PHKA2: variants seen among roughly 807,000 people sequenced by gnomAD.
PHKA2 encodes the protein phosphorylase kinase regulatory subunit alpha 2.
PHKA2 carries 31 observed loss-of-function variants against 102.0 expected under a neutral mutation model. The observed-to-expected ratio is 0.30, with a 90% CI of 0.23 to 0.41. The LOEUF is 0.41. Ranked by LOEUF, PHKA2 falls within the 10% of genes least tolerant of loss-of-function variation. The pLI is 1.00. For missense variants in PHKA2, 858 were observed against 1,023.1 expected (o/e 0.84, Z 2.20); for synonymous variants, 455 against 416.2 (o/e 1.09, Z -1.13).
chrX:18,966,783 C>T (rs1001969961), intron 1 of PHKA2, among the ~76,000 whole-genome samples: 1 of 111,913 alleles, frequency 8.9e-6, no homozygotes, highest in Admixed American at 9.5e-5. Flanking sequence ...GTCACCTCTG[C>T]CCCAATTGGA....
chrX:18,897,398 T>C, intron 29 of PHKA2, 65 bp from the exon 30 acceptor site: 1 of 1,091,254 alleles, frequency 9.2e-7, no homozygotes, highest in Middle Eastern at 3.3e-4. Context: ...AAGTGCGCCA[T>C]CTCGAAGGGC....
intron 26 of PHKA2, 93 bp downstream of exon 26, chrX:18,905,665 C>T: frequency 3.2e-6 from 2 of 627,847 alleles, no homozygotes; most frequent in South Asian, 4.4e-5. Context: ...CTTCTCTTCC[C>T]ACATTCGCTA....
chrX:18,954,195 T>C, intron 2 of PHKA2, 59 bp downstream of exon 2: 1 of 1,154,927 alleles, frequency 8.7e-7, no homozygotes, highest in Non-Finnish European at 1.2e-6. Flanking sequence ...CTCTGTGGGT[T>C]TTTCAGTTCA....
chrX:18,926,510 T>C lies in PHKA2; in HGVS notation c.1402A>G (p.Ile468Val), dbSNP rs772639033. 1.7e-6 allele frequency: 2 copies of C among 1,194,014 alleles called. No homozygotes were observed. Among genetic ancestry groups the C allele is most frequent in the Non-Finnish European group, 2.3e-6 (2 of 879,068 alleles). The stretch of plus-strand genomic sequence containing the variant: ...CCCGGCTGGACTTGAATTGGATGAA[T>C]GTCCGCGATACTCTGGACGTTCACC... Reference protein sequence around the residue: ...HGVNVQSIADIHPIQVQPGRI... With the variant: ...HGVNVQSIADVHPIQVQPGRI... The change falls in exon 14 of 33, where the codon ATT becomes GTT. Residue 468 changes from isoleucine (I) to valine (V), a missense_variant. By Grantham distance (29) the Ile-to-Val change is conservative. Around this residue, in one of 2 missense-constraint regions of PHKA2, gnomAD observed 671 missense variants for 745.2 expected, o/e 0.90. Coordinates refer to ENST00000379942, the MANE Select transcript of PHKA2 (RefSeq NM_000292.3).
chrX:18,961,659 CA>C (rs1290808888), intron 1 of PHKA2, among the ~76,000 whole-genome samples: 609 of 24,910 alleles, frequency 0.024, 1 homozygote, highest in African/African-American at 0.029. Flanking sequence ...GACTCCATCT[CA>C]AAAAAAAAAA....
intron 1 of PHKA2, among the ~76,000 whole-genome samples, chrX:18,963,257 C>T (rs2048894491): frequency 1.8e-5 from 2 of 112,458 alleles, no homozygotes; most frequent in Admixed American, 9.4e-5. Context: ...AATCTGGGCA[C>T]GGTTGAGAGA....
chrX:18,894,000 A>C (rs1372302153), intron 32 of PHKA2: 1 of 473,261 alleles, frequency 2.1e-6, no homozygotes, highest in Admixed American at 3.0e-5. Flanking sequence ...GAAAACCTGC[A>C]TTGAGACAGG....
At position 18,941,552 on chromosome X, in the gene PHKA2, T is replaced by G; in HGVS notation, c.841A>C (p.Asn281His). The change falls in exon 8 of 33, where the codon AAT (asparagine) becomes CAT (histidine). Residue 281 changes from asparagine (N) to histidine (H), a missense_variant. Coordinates refer to ENST00000379942, the MANE Select transcript of PHKA2 (RefSeq NM_000292.3). ...ACCTGGAGCTTAGAAATAATTTCAT[T>G]TTTGGTCACATTTACAAGGTTTACA... ...EDVNLVNVTK[N>H]EIISKLQGRY... 4.1e-6 allele frequency: 5 copies of G among 1,208,423 alleles called. No individual in the cohort carries two copies. Among genetic ancestry groups the G allele is most frequent in the Non-Finnish European group, 5.6e-6 (5 of 892,484 alleles).
intron 4 of PHKA2, among the ~76,000 whole-genome samples, chrX:18,949,837 T>G (rs981618887): frequency 2.7e-5 from 3 of 112,429 alleles, no homozygotes; most frequent in African/African-American, 9.7e-5. Flanking sequence ...TTAACTTTCA[T>G]AGCCAAAACG....
chrX:18,904,703 G>A (rs2047772031), intron 26 of PHKA2, among the ~76,000 whole-genome samples: 1 of 112,092 alleles, frequency 8.9e-6, no homozygotes, highest in Non-Finnish European at 1.9e-5. Flanking sequence ...ACTGCACGAT[G>A]CTGTCTTTGT....
chrX:18,931,632 A>G lies in PHKA2; in HGVS notation c.1245+9T>C, dbSNP rs1462014190. ...TGGTTTCCAGTCTGTGAGGCCACTA[A>G]GCCCCTACCTCTGCCAACAGCGAGC... On this transcript the variant is annotated intron_variant, in intron 12 of 32. Transcript: ENST00000379942. 8.7e-6 allele frequency: 10 copies of G among 1,153,029 alleles called. No homozygotes were observed. The highest frequency in any genetic ancestry group is 6.6e-5 in the Admixed American group (3 of 45,674).
rs1945280569 is a variant in PHKA2, at chrX:18,907,180, A to G, written c.2518-83T>C. On this transcript the variant is annotated intron_variant, in intron 22 of 32. Transcript: ENST00000379942. ...GACAGACAGGCAGTGGGGAGGAGAC[A>G]CTGCCAATCAGATCGTACATTTACC... is the stretch of plus-strand genomic sequence containing the variant. 5 of 665,034 alleles carry G rather than the reference A, an allele frequency of 7.5e-6. No homozygotes were observed. The South Asian group carries it at 9.3e-5, about 12-fold the overall frequency. 54.8% of individuals were successfully genotyped at this position (665,034 alleles called of 1,213,427 possible). A position where few individuals can be genotyped will look rare whatever the true frequency, so the allele number is the denominator to read the frequency against.
chrX:18,895,529 G>A, intron 30 of PHKA2: 1 of 275,486 alleles, frequency 3.6e-6, no homozygotes, highest in Non-Finnish European at 6.5e-6. Context: ...ATAATAAAGG[G>A]GGATTTTCAT....
rs1262165930 is a variant in PHKA2, at chrX:18,913,605, C to T, written c.2138-2645G>A. ...ATTTTTAGTAGAGACAGGGTTTCAC[C>T]ATGTTAGCCAGGCTGGTCTTGAACT... On this transcript the variant is annotated intron_variant, in intron 19 of 32. Coordinates refer to ENST00000379942, the MANE Select transcript of PHKA2 (RefSeq NM_000292.3). 3.6e-5 allele frequency among the ~76,000 whole-genome samples: 4 copies of T among 110,478 alleles called. No homozygotes were observed. The Admixed American group carries it at 3.9e-4, about 11-fold the overall frequency.
chrX:18,908,194 A>G (rs2047858252), intron 21 of PHKA2, 138 bp from the exon 22 acceptor site: 1 of 617,156 alleles, frequency 1.6e-6, no homozygotes, highest in East Asian at 3.3e-5. Context: ...CGCCCGACCA[A>G]AGCTTCCCTA....
chrX:18,894,516 G>A lies in PHKA2; in HGVS notation c.3337-112C>T, dbSNP rs371416102. On this transcript the variant is annotated intron_variant, in intron 31 of 32. Coordinates refer to ENST00000379942, the MANE Select transcript of PHKA2 (RefSeq NM_000292.3). ...GCAGTGCCTGGGCTCGGGGCTCAGC[G>A]CCACTGCTGCCCCTTTTCTGGCCAC... The A allele has an allele frequency of 8.7e-5, 55 of 633,299 alleles. No homozygotes were observed. The Admixed American group carries it at 1.3e-3, about 15-fold the overall frequency. 52.2% of individuals were successfully genotyped at this position (633,299 alleles called of 1,213,427 possible).
intron 3 of PHKA2, among the ~76,000 whole-genome samples, chrX:18,951,577 A>C (rs2048689273): frequency 9.0e-6 from 1 of 111,299 alleles, no homozygotes; most frequent in Non-Finnish European, 1.9e-5. Context: ...GGAGAGATGG[A>C]GGGAGGGAAG....
chrX:18,896,792 G>A (rs780155512), intron 30 of PHKA2, among the ~76,000 whole-genome samples: 6 of 111,672 alleles, frequency 5.4e-5, no homozygotes, highest in East Asian at 2.8e-4. Context: ...CCTAAAATAC[G>A]TCCAAGTTGG....
In PHKA2 at chrX:18,936,069, C is replaced by G; in HGVS notation, c.1123G>C (p.Val375Leu). The G allele has an allele frequency of 8.3e-7, 1 of 1,202,859 alleles. No homozygotes were observed. ...CACTGGGTTACCTTGTTAGGCGGGA[C>G]AGCGTAGAGTTCAGGCACCAGGCGG... ...GIRLVPELYA[V>L]PPNKVDEEYK... Residue 375 changes from valine (V) to leucine (L), a missense_variant, in exon 11 of 33, where the codon GTC (valine) becomes CTC (leucine). Val to Leu is a conservative substitution (Grantham distance 32, BLOSUM62 1). Around this residue, in one of 2 missense-constraint regions of PHKA2, gnomAD observed 671 missense variants for 745.2 expected, o/e 0.90. Transcript: ENST00000379942.
Sources: allele counts gnomAD v4.1 joint callset (sites outside exome capture counted in the v4.1 genomes callset), GRCh38; gene constraint gnomAD v4.1.1; regional missense constraint gnomAD v4.1.1; transcripts MANE v1.5; gene names NCBI Gene and HGNC (gene_info 2026-07-23, HGNC 2026-07-21).